KIR3DL3: variants seen among roughly 807,000 people sequenced by gnomAD.
The protein encoded by KIR3DL3 is killer cell immunoglobulin-like receptor 3DL3.
A neutral mutation model predicts 34.9 loss-of-function variants in KIR3DL3; 27 were observed. That is an observed-to-expected ratio of 0.77 (90% CI 0.57 to 1.07). KIR3DL3 has a LOEUF of 1.07. Ranked by LOEUF, KIR3DL3 falls within the 50% of genes least tolerant of loss-of-function variation. The pLI is 0.00. For synonymous variants in KIR3DL3, 217 were observed against 200.2 expected (o/e 1.08, Z -0.71); for missense variants, 681 against 528.5 (o/e 1.29, Z -2.83).
At chr19:54,724,599 G>A in intron 1 of KIR3DL3, 69 bp downstream of exon 1, 1 of 1,597,736 alleles carries the variant, frequency 6.3e-7, no homozygotes, top group Non-Finnish European at 8.5e-7. Context: ...TGGAGATCTG[G>A]GCCTGGAGTG....
Position 54,726,315 on chromosome 19 carries a change from C to A in KIR3DL3, c.333C>A (p.Asn111Lys). The change falls in exon 3 of 8, where the codon AAC (asparagine) becomes AAA (lysine). Residue 111 changes from asparagine (N) to lysine (K), a missense_variant. Asn to Lys is a moderately conservative substitution (Grantham distance 94). Transcript: ENST00000291860. Reference sequence around the variant, plus strand: ...CCACTGGGTGGTCGGCACCCAGCAACCCTGTGGTGATCATGGTCACAGGTC... The same window carrying A: ...CCACTGGGTGGTCGGCACCCAGCAAACCTGTGGTGATCATGGTCACAGGTC... ...HSPTGWSAPS[N>K]PVVIMVTGVH... 2 of 1,613,750 alleles carry A rather than the reference C, an allele frequency of 1.2e-6. No homozygotes were observed. The highest frequency in any genetic ancestry group is 1.7e-6 in the Non-Finnish European group (2 of 1,179,936).
Position 54,735,367 on chromosome 19 carries a change from A to G in KIR3DL3, c.1054+10A>G, listed in dbSNP as rs2069396264. 3 of 1,264,482 alleles carry G rather than the reference A, an allele frequency of 2.4e-6. No homozygotes were observed. The Admixed American group carries it at 5.1e-5, about 22-fold the overall frequency. 78.3% of individuals were successfully genotyped at this position (1,264,482 alleles called of 1,614,324 possible). On this transcript the variant is annotated intron_variant, in intron 6 of 7. Coordinates refer to ENST00000291860, the MANE Select transcript of KIR3DL3 (RefSeq NM_153443.5). ...TGTGCCAACAAAAAGAGTAAGTCTC[A>G]CGAAGCAGAAGCCAGAGAGCTCAGG...
chr19:54,728,778 A>G (rs1444012017), intron 4 of KIR3DL3, among the ~76,000 whole-genome samples: 1 of 150,136 alleles, frequency 6.7e-6, no homozygotes, highest in African/African-American at 2.4e-5. Context: ...CAGAGACTCC[A>G]AAAGGGAACT....
rs1371661840 is a variant in KIR3DL3, at chr19:54,736,508, T to A, written c.*412T>A. The A allele has an allele frequency of 1.6e-5, 4 of 245,814 alleles. No homozygotes were observed. Among genetic ancestry groups the A allele is most frequent in the African/African-American group, 1.0e-4 (4 of 39,750 alleles). The allele number at this position is 245,814 out of a possible 1,614,324, so 15.2% of individuals were successfully genotyped here. A position where few individuals can be genotyped will look rare whatever the true frequency, so the allele number is the denominator to read the frequency against. On this transcript the variant is annotated 3_prime_UTR_variant, in exon 8 of 8. Transcript: ENST00000291860. ...AGAGGCTCCCTCTTAACACGGCACT[T>A]AGATACGTGCTATTCCACCTTTCCT...
At chr19:54,735,020 A>G (rs1408803343) in intron 5 of KIR3DL3, among the ~76,000 whole-genome samples, 3 of 141,944 alleles carry the variant, frequency 2.1e-5, no homozygotes, top group East Asian at 2.0e-4. Context: ...TGGGGGTTAC[A>G]TTTCAATGTG....
At chr19:54,733,972 G>A (rs962177026) in intron 5 of KIR3DL3, among the ~76,000 whole-genome samples, 7 of 152,012 alleles carry the variant, frequency 4.6e-5, no homozygotes, top group Non-Finnish European at 5.9e-5. Context: ...AACAATAAAC[G>A]ACGGAGAGGG....
intron 5 of KIR3DL3, among the ~76,000 whole-genome samples, chr19:54,730,011 G>A (rs1337123409): frequency 2.0e-5 from 3 of 150,608 alleles, no homozygotes; most frequent in Non-Finnish European, 4.4e-5. Context: ...CAGGCAGATG[G>A]AGAAAGAGGT....
chr19:54,733,319 G>A (rs1249377267), intron 5 of KIR3DL3, among the ~76,000 whole-genome samples: 1 of 152,052 alleles, frequency 6.6e-6, no homozygotes, highest in African/African-American at 2.4e-5. Flanking sequence ...ATCACTTAAG[G>A]GTAGGAGTTT....
intron 4 of KIR3DL3, among the ~76,000 whole-genome samples, chr19:54,728,660 G>A (rs1332118500): frequency 6.6e-6 from 1 of 152,166 alleles, no homozygotes; most frequent in East Asian, 1.9e-4. Flanking sequence ...GAAAAAGAGG[G>A]CAGAGAAGTG....
At chr19:54,730,534 A>C (rs370045784) in intron 5 of KIR3DL3, among the ~76,000 whole-genome samples, 2 of 151,724 alleles carry the variant, frequency 1.3e-5, no homozygotes, top group East Asian at 1.9e-4. Flanking sequence ...AGATCATGCC[A>C]CTGCACTGCA....
intron 3 of KIR3DL3, among the ~76,000 whole-genome samples, chr19:54,727,192 A>G (rs1057134796): frequency 1.7e-5 from 2 of 118,706 alleles, no homozygotes; most frequent in Non-Finnish European, 3.6e-5. Context: ...CCCATCAGGA[A>G]CAGGGACACT....
Position 54,729,635 on chromosome 19 carries a change from C to T in KIR3DL3, c.798C>T (p.Leu266=). Residue 266 remains leucine (L), a synonymous_variant, in exon 5 of 8, where the codon CTC becomes CTT. Coordinates refer to ENST00000291860, the MANE Select transcript of KIR3DL3 (RefSeq NM_153443.5). ...AGGCGGAGGCCGGTGAACTTAGGCTCACTGCAGTGCTGAGGGTCAATGGAA... is the reference window on the plus strand; with the variant it reads ...AGGCGGAGGCCGGTGAACTTAGGCTTACTGCAGTGCTGAGGGTCAATGGAA... ...SREAEAGELR[L]TAVLRVNGTF... 1 of 1,602,604 alleles carries T rather than the reference C, an allele frequency of 6.2e-7. No individual in the cohort carries two copies. Among genetic ancestry groups the T allele is most frequent in the Non-Finnish European group, 8.5e-7 (1 of 1,177,258 alleles).
In KIR3DL3 at chr19:54,736,031, A is replaced by G; in HGVS notation, c.1168A>G (p.Thr390Ala). Residue 390 changes from threonine (T) to alanine (A), a missense_variant, in exon 8 of 8, where the codon ACA becomes GCA. By Grantham distance (58) the Thr-to-Ala change is moderately conservative. Transcript: ENST00000291860. Reference protein sequence around the residue: ...TYAQLNHCVFTQRKITRPSQR... With the variant: ...TYAQLNHCVFAQRKITRPSQR... ...CGCACAGTTGAATCACTGCGTTTTCACACAGAGAAAAATCACTCGCCCTTC... is the reference window on the plus strand; with the variant it reads ...CGCACAGTTGAATCACTGCGTTTTCGCACAGAGAAAAATCACTCGCCCTTC... 6.2e-7 allele frequency: 1 copy of G among 1,613,706 alleles called. No individual in the cohort carries two copies. The highest frequency in any genetic ancestry group is 8.5e-7 in the Non-Finnish European group (1 of 1,179,994).
In KIR3DL3 at chr19:54,726,203, G is replaced by A. The variant is rs951393911; in HGVS notation, c.221G>A (p.Arg74Lys). The change falls in exon 3 of 8, where the codon AGA (arginine) becomes AAA (lysine). Residue 74 changes from arginine to lysine, a missense_variant. Physicochemically the swap from Arg to Lys is conservative, Grantham distance 26. Transcript: ENST00000291860. ...DGMPVPELYN[R>K]IFRNSFLMGP... is the part of the protein sequence containing the mutation. ...ATGCCTGTCCCTGAGCTCTACAACA[G>A]AATATTCCGGAACAGCTTTCTCATG... is the stretch of plus-strand genomic sequence containing the variant. 182 of 1,613,558 alleles carry A rather than the reference G, an allele frequency of 1.1e-4. No individual in the cohort carries two copies. Among genetic ancestry groups the A allele is most frequent in the Non-Finnish European group, 1.5e-4 (173 of 1,179,902 alleles).
At position 54,729,778 on chromosome 19, in the gene KIR3DL3, C is replaced by T. The variant is rs2068613385; in HGVS notation, c.941C>T (p.Ser314Phe). 1 of 1,597,314 alleles carries T rather than the reference C, an allele frequency of 6.3e-7. No individual in the cohort carries two copies. The highest frequency in any genetic ancestry group is 8.5e-7 in the Non-Finnish European group (1 of 1,173,846). ...GACCCGAGTGACCCACTGCCCGTTT[C>T]TGTCACAGGTGAGAAAACACCATGC... ...WSDPSDPLPV[S>F]VTGNSRNLHV... Residue 314 changes from serine (S) to phenylalanine (F), a missense_variant, in exon 5 of 8, where the codon TCT (serine) becomes TTT (phenylalanine). Transcript: ENST00000291860.
intron 5 of KIR3DL3, 137 bp downstream of exon 5, chr19:54,729,923 C>A (rs62132684): frequency 1.9e-6 from 1 of 515,566 alleles, no homozygotes; most frequent in Non-Finnish European, 3.1e-6. Flanking sequence ...GGGGTCAGGG[C>A]GCAGGATGGC....
At chr19:54,731,530 T>C (rs1228738685) in intron 5 of KIR3DL3, among the ~76,000 whole-genome samples, 11 of 151,756 alleles carry the variant, frequency 7.2e-5, no homozygotes, top group Admixed American at 2.0e-4. Flanking sequence ...TCTTTTCCTA[T>C]TGTTGCCATA....
chr19:54,736,306 C>G lies in KIR3DL3; in HGVS notation c.*210C>G. ...TCACACCACGAATCTGAACATGCCT[C>G]TCTCTTGCTTACAAATGTCTAAGGT... On this transcript the variant is annotated 3_prime_UTR_variant, in exon 8 of 8. Coordinates refer to ENST00000291860, the MANE Select transcript of KIR3DL3 (RefSeq NM_153443.5). 8.8e-6 allele frequency: 6 copies of G among 680,880 alleles called. No homozygotes were observed. The South Asian group carries it at 9.1e-5, about 10-fold the overall frequency. 42.2% of individuals were successfully genotyped at this position (680,880 alleles called of 1,614,324 possible). A position where few individuals can be genotyped will look rare whatever the true frequency, so the allele number is the denominator to read the frequency against.
At chr19:54,725,688 G>A (rs1731002165) in intron 2 of KIR3DL3, among the ~76,000 whole-genome samples, 1 of 152,266 alleles carries the variant, frequency 6.6e-6, no homozygotes, top group African/African-American at 2.4e-5. Flanking sequence ...CCTAAGAGGT[G>A]GGGGAACCAC....
Sources: allele counts gnomAD v4.1 joint callset (sites outside exome capture counted in the v4.1 genomes callset), GRCh38; gene constraint gnomAD v4.1.1; transcripts MANE v1.5; gene names NCBI Gene and HGNC (gene_info 2026-07-23, HGNC 2026-07-21).